Variants in ASPM observed in about 807,000 individuals in gnomAD.
ASPM encodes assembly factor for spindle microtubules, also known as abnormal spindle-like microcephaly-associated protein.
Under a neutral mutation model 366.4 loss-of-function variants are expected in ASPM, and 256 were observed. That is an observed-to-expected ratio of 0.70 (90% CI 0.63 to 0.77). The LOEUF is 0.77. Among genes scored for constraint, ASPM ranks in the 30% least tolerant of loss-of-function variants. The pLI, the probability that ASPM is intolerant of heterozygous loss-of-function variation, is 0.00. For synonymous variants in ASPM, 1,414 were observed against 1,342.9 expected (o/e 1.05, Z -1.16); for missense variants, 4,146 against 4,090.4 (o/e 1.01, Z -0.37).
chr1:197,146,366 C>A lies in ASPM; in HGVS notation c.72G>T (p.Leu24=). The part of the protein sequence containing the change: ...SPTERRPPAG[L]RGPAAEEEAS... ...CCTCCTCCTCGGCCGCGGGGCCCCGCAGCCCCGCGGGCGGCCTCCGCTCGG... is the reference window on the plus strand; with the variant it reads ...CCTCCTCCTCGGCCGCGGGGCCCCGAAGCCCCGCGGGCGGCCTCCGCTCGG... Residue 24 remains leucine (L), a synonymous_variant, in exon 1 of 28, where the codon CTG becomes CTT. Coordinates refer to ENST00000367409, the MANE Select transcript of ASPM (RefSeq NM_018136.5). 6.2e-7 allele frequency: 1 copy of A among 1,608,912 alleles called. No individual in the cohort carries two copies. Among genetic ancestry groups the A allele is most frequent in the Non-Finnish European group, 8.5e-7 (1 of 1,178,620 alleles).
chr1:197,135,783 T>C (rs1478503783), intron 4 of ASPM, among the ~76,000 whole-genome samples: 2 of 151,850 alleles, frequency 1.3e-5, no homozygotes, highest in Non-Finnish European at 2.9e-5. Context: ...AAACCCCGTC[T>C]CTACCAAAAA....
rs377625262 is a variant in ASPM at position 197,139,789 on chromosome 1, G to A, written c.2004C>T (p.Thr668=). 1.3e-4 allele frequency: 206 copies of A among 1,609,516 alleles called. No homozygotes were observed. Among genetic ancestry groups the A allele is most frequent in the Non-Finnish European group, 1.5e-4 (181 of 1,176,032 alleles). ...TGCCTGTTTTTAATGGTTTTATGAA[G>A]GTCAAACTGGACTGTGCCACAGCGA... is the stretch of plus-strand genomic sequence containing the variant. The part of the protein sequence containing the change: ...PIIAVAQSSL[T]FIKPLKTDIP... The change falls in exon 4 of 28, where the codon ACC becomes ACT. Residue 668 remains threonine (T), a synonymous_variant. Transcript: ENST00000367409.
At chr1:197,093,774 C>A (rs1656868000) in intron 20 of ASPM, among the ~76,000 whole-genome samples, 1 of 151,732 alleles carries the variant, frequency 6.6e-6, no homozygotes, top group Admixed American at 6.6e-5. Flanking sequence ...TTGCTCAACA[C>A]AGGGTTGACA....
chr1:197,096,346 C>T (rs1018289941), intron 18 of ASPM, among the ~76,000 whole-genome samples, 182 bp from the exon 19 acceptor site: 2 of 151,782 alleles, frequency 1.3e-5, no homozygotes, highest in South Asian at 4.2e-4. Context: ...GTGGTGCTTA[C>T]TATAGTGAAC....
intron 16 of ASPM, among the ~76,000 whole-genome samples, chr1:197,119,927 C>T (rs887248203): frequency 6.6e-6 from 1 of 151,952 alleles, no homozygotes; most frequent in African/African-American, 2.4e-5. Flanking sequence ...ATAGCTATCT[C>T]AAGTTAATAT....
chr1:197,101,716 T>C lies in ASPM; in HGVS notation c.7535A>G (p.Gln2512Arg). 6.2e-7 allele frequency: 1 copy of C among 1,612,218 alleles called. No individual in the cohort carries two copies. The highest frequency in any genetic ancestry group is 8.5e-7 in the Non-Finnish European group (1 of 1,179,032). Reference sequence around the variant, plus strand: ...TGCAGCTCTATATGTTCGATAATGTTGCTGAATTAGAATTGAAGCATGTTT... The same window carrying C: ...TGCAGCTCTATATGTTCGATAATGTCGCTGAATTAGAATTGAAGCATGTTT... ...TWKHASILIQ[Q>R]HYRTYRAAKL... is the part of the protein sequence containing the mutation. The change falls in exon 18 of 28, where the codon CAA becomes CGA. Residue 2512 changes from glutamine (Q) to arginine (R), a missense_variant. Coordinates refer to ENST00000367409, the MANE Select transcript of ASPM (RefSeq NM_018136.5).
rs886045773 is a variant in ASPM at position 197,104,120 on chromosome 1, A to G, written c.5131T>C (p.Cys1711Arg). The G allele has an allele frequency of 1.2e-6, 2 of 1,612,880 alleles. No individual in the cohort carries two copies. The highest frequency in any genetic ancestry group is 1.7e-6 in the Non-Finnish European group (2 of 1,179,438). ...LRAAALFIQQ[C>R]YRSKKIAAQK... ...GCAGCTATTTTTTTGGAACGGTAAC[A>G]TTGCTGGATAAATAGTGCAGCTGCT... Residue 1711 changes from cysteine to arginine, a missense_variant, in exon 18 of 28, where the codon TGT becomes CGT. Physicochemically the swap from Cys to Arg is radical, Grantham distance 180. Coordinates refer to ENST00000367409, the MANE Select transcript of ASPM (RefSeq NM_018136.5).
rs779345615 is a variant in ASPM, at chr1:197,103,281, C to T, written c.5970G>A (p.Trp1990Ter). Residue 1990 changes from tryptophan (W) to a stop codon, truncating the protein, a stop_gained, in exon 18 of 28, where the codon TGG becomes TGA. Transcript: ENST00000367409. LOFTEE classifies it high-confidence loss of function. ...GAAGAGCAGCTTTTTTCATGATTTT[C>T]CACTTCTTTTGTTGCACATGCATTC... ...YYRMHVQQKKWKIMKKAALLI... is the reference protein window; with the variant it reads ...YYRMHVQQKK 2 of 1,612,994 alleles carry T rather than the reference C, an allele frequency of 1.2e-6. No individual in the cohort carries two copies. Among genetic ancestry groups the T allele is most frequent in the East Asian group, 2.2e-5 (1 of 44,834 alleles).
At chr1:197,134,747 G>GTA (rs1401709183) in intron 5 of ASPM, among the ~76,000 whole-genome samples, 1 of 152,170 alleles carries the variant, frequency 6.6e-6, no homozygotes, top group Non-Finnish European at 1.5e-5. Context: ...ATATGAATTG[G>GTA]TGTTTAGTTT....
At chr1:197,088,546 C>T in intron 25 of ASPM, 114 bp from the exon 26 acceptor site, 1 of 854,160 alleles carries the variant, frequency 1.2e-6, no homozygotes, top group South Asian at 1.6e-5. Context: ...AATTTTTGGA[C>T]CACCTGCAGC....
chr1:197,091,482 TA>T (rs1476088174), intron 22 of ASPM, among the ~76,000 whole-genome samples: 2 of 151,650 alleles, frequency 1.3e-5, no homozygotes, highest in East Asian at 1.9e-4. Flanking sequence ...AAAAAGATGT[TA>T]AAAAAAAGTA....
chr1:197,105,237 T>G lies in ASPM; in HGVS notation c.4066-52A>C, dbSNP rs748204058. On this transcript the variant is annotated intron_variant, in intron 17 of 27. Transcript: ENST00000367409. ...GTAAAATAGGCATAGCTTTCTATAT[T>G]TAACACTTTTCAAAATACTAATTTT... 2.2e-6 allele frequency: 3 copies of G among 1,376,200 alleles called. No individual in the cohort carries two copies. In the African/African-American group the frequency reaches 4.3e-5, roughly 20 times the overall value. 85.2% of individuals were successfully genotyped at this position (1,376,200 alleles called of 1,614,324 possible). A position where few individuals can be genotyped will look rare whatever the true frequency, so the allele number is the denominator to read the frequency against.
rs1658769327 is a variant in ASPM, at chr1:197,146,136, C to A, written c.297+5G>T. ...GGCCTGGAGCACGCTCCTCCTGAGA[C>A]CTACCTGCAACACGAAACAGCGCTG... On this transcript the variant is annotated splice_donor_5th_base_variant and intron_variant, in intron 1 of 27. Coordinates refer to ENST00000367409, the MANE Select transcript of ASPM (RefSeq NM_018136.5). The A allele has an allele frequency of 6.2e-7, 1 of 1,614,010 alleles. No individual in the cohort carries two copies. The highest frequency in any genetic ancestry group is 1.3e-5 in the African/African-American group (1 of 75,006).
At chr1:197,085,409 A>T (rs1484729092) in intron 27 of ASPM, among the ~76,000 whole-genome samples, 1 of 152,152 alleles carries the variant, frequency 6.6e-6, no homozygotes, top group Non-Finnish European at 1.5e-5. Context: ...CTTATTGAGA[A>T]AATAGTATCA....
chr1:197,086,690 T>C (rs990357394), intron 27 of ASPM, 113 bp downstream of exon 27: 2 of 902,010 alleles, frequency 2.2e-6, no homozygotes, highest in South Asian at 1.4e-5. Flanking sequence ...CTTATTCATA[T>C]GTTGTTTCTC....
chr1:197,142,447 ATTC>A lies in ASPM; in HGVS notation c.1802_1804del (p.Arg601del), dbSNP rs1557964903. On this transcript the variant is annotated inframe_deletion, in exon 3 of 28. Transcript: ENST00000367409. Reference sequence around the variant, plus strand: ...TTTAGGCTCTGAGGGAGAAAAATGGATTCTTTTGATTTCTCGCACTTCTGTATG... The same window carrying A: ...TTTAGGCTCTGAGGGAGAAAAATGGATTTTGATTTCTCGCACTTCTGTATG... The A allele has an allele frequency of 5.6e-6, 9 of 1,613,934 alleles. No homozygotes were observed. Among genetic ancestry groups the A allele is most frequent in the Non-Finnish European group, 7.6e-6 (9 of 1,179,848 alleles).
chr1:197,091,519 C>T (rs559251586), intron 22 of ASPM, among the ~76,000 whole-genome samples: 1 of 151,882 alleles, frequency 6.6e-6, no homozygotes, highest in Non-Finnish European at 1.5e-5. Flanking sequence ...GAATAACCAA[C>T]ATATAGAATA....
rs778226712 is a variant in ASPM at position 197,104,852 on chromosome 1, A to C, written c.4399T>G (p.Ser1467Ala). Residue 1467 changes from serine to alanine, a missense_variant, in exon 18 of 28, where the codon TCT becomes GCT. Coordinates refer to ENST00000367409, the MANE Select transcript of ASPM (RefSeq NM_018136.5). ...HLRKQAKEEN[S>A]AIIIQSWYRM... ...TACCATGATTGTATGATAATAGCAG[A>C]ATTTTCTTCTTTAGCTTGTTTTCTT... 6.3e-7 allele frequency: 1 copy of C among 1,599,564 alleles called. No individual in the cohort carries two copies. The highest frequency in any genetic ancestry group is 8.5e-7 in the Non-Finnish European group (1 of 1,173,916).
chr1:197,131,508 A>C (rs1344627265), intron 7 of ASPM, among the ~76,000 whole-genome samples: 1 of 151,838 alleles, frequency 6.6e-6, no homozygotes, highest in Non-Finnish European at 1.5e-5. Context: ...ATTTAATCAG[A>C]TTGGTATAGG....
Sources: gnomAD v4.1 joint callset for allele counts (sites outside exome capture counted in the v4.1 genomes callset) on GRCh38, gnomAD v4.1.1 for gene constraint, MANE v1.5 for transcripts, NCBI Gene and HGNC (gene_info 2026-07-23, HGNC 2026-07-21) for gene names.